TENM1: variants seen among roughly 807,000 people sequenced by gnomAD.
TENM1 encodes teneurin transmembrane protein 1.
In TENM1, 35 loss-of-function variants were observed where a neutral mutation model predicts 174.8. That is an observed-to-expected ratio of 0.20 (90% confidence interval 0.15 to 0.27). The LOEUF (loss-of-function observed/expected upper bound fraction) is 0.27. Ranked by LOEUF, TENM1 falls within the 10% of genes least tolerant of loss-of-function variation. The pLI is 1.00. For synonymous variants in TENM1, 781 were observed against 798.7 expected (o/e 0.98, Z 0.37); for missense variants, 1,633 against 2,130.1 (o/e 0.77, Z 4.59).
chrX:124,624,138 A>G (rs2050584184), intron 11 of TENM1, among the ~76,000 whole-genome samples: 1 of 111,879 alleles, frequency 8.9e-6, no homozygotes, highest in African/African-American at 3.2e-5. Flanking sequence ...TGGCTCAGAG[A>G]AGTTAAATGA....
chrX:125,106,859 G>T, the TENM1 span, among the ~76,000 whole-genome samples: 165 of 112,189 alleles, frequency 1.5e-3, 1 homozygote, highest in Non-Finnish European at 2.6e-3. Flanking sequence ...TCATTTATAA[G>T]CTGTGTTATA....
At chrX:124,827,137 G>A (rs1459014804) in intron 3 of TENM1, among the ~76,000 whole-genome samples, 4 of 111,286 alleles carry the variant, frequency 3.6e-5, no homozygotes, top group Non-Finnish European at 5.7e-5. Context: ...TGCAGCCTCC[G>A]CCTCCCTGGT....
intron 14 of TENM1, among the ~76,000 whole-genome samples, chrX:124,560,394 C>A (rs2048792306): frequency 9.1e-6 from 1 of 110,212 alleles, no homozygotes; most frequent in African/African-American, 3.3e-5. Flanking sequence ...CATCTTAATT[C>A]TACTATAGGG....
At chrX:124,773,316 T>C (rs1291119982) in intron 3 of TENM1, among the ~76,000 whole-genome samples, 1 of 110,103 alleles carries the variant, frequency 9.1e-6, no homozygotes, top group Non-Finnish European at 1.9e-5. Flanking sequence ...GGCAAGTGAA[T>C]TTTGCTGTTT....
chrX:124,673,162 G>A (rs900873711), intron 5 of TENM1, among the ~76,000 whole-genome samples: 1 of 111,455 alleles, frequency 9.0e-6, no homozygotes, highest in Admixed American at 9.5e-5. Context: ...AACGATTGGT[G>A]GGGAGAAGGG....
chrX:124,590,177 C>T (rs1458415752), intron 11 of TENM1, among the ~76,000 whole-genome samples: 1 of 111,685 alleles, frequency 9.0e-6, no homozygotes, highest in African/African-American at 3.3e-5. Flanking sequence ...ACACAAAAGT[C>T]ATTCAGGAGC....
chrX:124,736,007 A>C (rs181341504), intron 4 of TENM1, among the ~76,000 whole-genome samples: 128 of 111,399 alleles, frequency 1.1e-3, no homozygotes, highest in Middle Eastern at 4.7e-3. Context: ...GTGAGGGTAC[A>C]CTAGAAGCCC....
At chrX:124,998,406 A>G in the TENM1 span, among the ~76,000 whole-genome samples, 3 of 110,070 alleles carry the variant, frequency 2.7e-5, no homozygotes, top group Non-Finnish European at 5.7e-5. Flanking sequence ...TCACCTGAAT[A>G]TAAGAAGACT....
the TENM1 span, among the ~76,000 whole-genome samples, chrX:125,036,203 T>C: frequency 3.6e-5 from 4 of 112,055 alleles, no homozygotes; most frequent in Admixed American, 3.8e-4. Flanking sequence ...ATTTTCTATT[T>C]CTACCTGATT....
intron 22 of TENM1, among the ~76,000 whole-genome samples, chrX:124,461,354 A>C (rs1051190865): frequency 8.9e-6 from 1 of 111,934 alleles, no homozygotes; most frequent in African/African-American, 3.2e-5. Context: ...AAAAACTAAA[A>C]ATAGAACTAT....
At chrX:124,709,075 G>A (rs907877912) in intron 4 of TENM1, among the ~76,000 whole-genome samples, 2 of 111,834 alleles carry the variant, frequency 1.8e-5, no homozygotes, top group African/African-American at 6.5e-5. Context: ...TAGGAGTAGA[G>A]CGGTGATAAT....
In TENM1 at chrX:124,611,320, G is replaced by A. The variant is rs143291379; in HGVS notation, c.2077+30471C>T. On this transcript the variant is annotated intron_variant, in intron 11 of 31. Transcript: ENST00000422452. ...CATTTCATAGGCCAGAGCAAGTCACGTGATGATGCCTAACTGAAATGGCAC... is the reference window on the plus strand; with the variant it reads ...CATTTCATAGGCCAGAGCAAGTCACATGATGATGCCTAACTGAAATGGCAC... Among the ~76,000 whole-genome samples the A allele has an allele frequency of 1.5e-3, 164 of 111,779 alleles. 1 individual carries two copies. Among genetic ancestry groups the A allele is most frequent in the African/African-American group, 5.2e-3 (160 of 30,818 alleles).
chrX:124,715,757 C>T (rs915820646), intron 4 of TENM1, among the ~76,000 whole-genome samples: 4 of 110,066 alleles, frequency 3.6e-5, no homozygotes, highest in East Asian at 2.8e-4. Flanking sequence ...CGGGTTCAAG[C>T]GTTTCTCCTG....
chrX:125,160,624 C>T, the TENM1 span, among the ~76,000 whole-genome samples: 1 of 105,523 alleles, frequency 9.5e-6, no homozygotes, highest in Non-Finnish European at 1.9e-5. Context: ...CACAAATGCT[C>T]ATGGACGCCA....
Position 124,600,040 on chromosome X carries a change from G to GTA in TENM1, c.2078-34482_2078-34481dup, listed in dbSNP as rs1556017543. 6.1e-3 allele frequency among the ~76,000 whole-genome samples: 660 copies of GTA among 108,154 alleles called. 7 individuals carry two copies. The highest frequency in any genetic ancestry group is 0.02 in the African/African-American group (599 of 29,855). 93.9% of individuals were successfully genotyped at this position (108,154 alleles called of 115,157 possible). ...TGTATATATATATGTGTGTGTGTGT[G>GTA]TATATATATATATAAATGTATGTGT... On this transcript the variant is annotated intron_variant, in intron 11 of 31. Transcript: ENST00000422452.
intron 14 of TENM1, among the ~76,000 whole-genome samples, chrX:124,551,632 T>A (rs1277814351): frequency 9.0e-6 from 1 of 111,287 alleles, no homozygotes; most frequent in Non-Finnish European, 1.9e-5. Flanking sequence ...TTACCTTGTT[T>A]GTGGTGATGG....
At chrX:125,098,628 T>C in the TENM1 span, among the ~76,000 whole-genome samples, 1 of 111,938 alleles carries the variant, frequency 8.9e-6, no homozygotes, top group Admixed American at 9.5e-5. Context: ...AAGAAAAACA[T>C]CTTTCTCCCT....
chrX:124,727,965 C>CT lies in TENM1; in HGVS notation c.776+8991dup, dbSNP rs1282585793. ...ACTTTGAACTCAGTTCTATTGTTTT[C>CT]TTTTTTTTTATGTTTTAAACATTTT... On this transcript the variant is annotated intron_variant, in intron 4 of 31. Transcript: ENST00000422452. Among the ~76,000 whole-genome samples, 5 of 109,673 alleles carry CT rather than the reference C, an allele frequency of 4.6e-5. No individual in the cohort carries two copies. The East Asian group carries it at 8.6e-4, about 19-fold the overall frequency.
chrX:125,135,615 C>A, the TENM1 span, among the ~76,000 whole-genome samples: 2 of 111,371 alleles, frequency 1.8e-5, no homozygotes, highest in Admixed American at 1.9e-4. Flanking sequence ...ACAACAGAAA[C>A]AAAAGAAAAT....
Sources: allele counts gnomAD v4.1 joint callset (sites outside exome capture counted in the v4.1 genomes callset), GRCh38; gene constraint gnomAD v4.1.1; transcripts MANE v1.5; gene names NCBI Gene and HGNC (gene_info 2026-07-23, HGNC 2026-07-21).